Variants in ARIH2 observed in about 807,000 individuals in gnomAD.
ARIH2 encodes E3 ubiquitin-protein ligase ARIH2.
Under a neutral mutation model 79.8 loss-of-function variants are expected in ARIH2, and 12 were observed. The ratio of observed to expected loss-of-function variants is 0.15; its 90% CI spans 0.10 to 0.24. ARIH2 has a LOEUF of 0.24. Among genes scored for constraint, ARIH2 ranks in the 10% least tolerant of loss-of-function variants. The pLI, the probability that ARIH2 is intolerant of heterozygous loss-of-function variation, is 1.00. For synonymous variants in ARIH2, 224 were observed against 213.9 expected (o/e 1.05, Z -0.41); for missense variants, 301 against 618.3 (o/e 0.49, Z 5.44).
intron 5 of ARIH2, among the ~76,000 whole-genome samples, chr3:48,966,178 T>C (rs945072107): frequency 2.6e-5 from 4 of 152,208 alleles, no homozygotes; most frequent in African/African-American, 9.6e-5. Context: ...ATTTTTTGAA[T>C]GAGGGCCATG....
chr3:48,954,092 C>T (rs2090306641), intron 3 of ARIH2, among the ~76,000 whole-genome samples: 1 of 151,798 alleles, frequency 6.6e-6, no homozygotes. Flanking sequence ...ACCTGGGAGG[C>T]GGAGGTTGCA....
chr3:48,939,128 TG>T (rs2087646285), intron 3 of ARIH2, among the ~76,000 whole-genome samples: 1 of 151,878 alleles, frequency 6.6e-6, no homozygotes, highest in Non-Finnish European at 1.5e-5. Flanking sequence ...CCACCACACC[TG>T]GCTAATTTTT....
intron 3 of ARIH2, among the ~76,000 whole-genome samples, chr3:48,938,807 G>C (rs927438065): frequency 1.3e-5 from 2 of 148,472 alleles, no homozygotes; most frequent in South Asian, 2.2e-4. Context: ...CGTGGACTCT[G>C]ATCTGACTGA....
At position 48,970,587 on chromosome 3, in the gene ARIH2, G is replaced by A; in HGVS notation, c.661-8G>A. On this transcript the variant is annotated splice_polypyrimidine_tract_variant and splice_region_variant and intron_variant, in intron 7 of 15. Transcript: ENST00000356401. ...TGTCCTCATTGTTTCCTCTTGGTGT[G>A]TTCACAGAGTCATTACCAGCTCCAG... The A allele has an allele frequency of 6.2e-7, 1 of 1,600,588 alleles. No individual in the cohort carries two copies. The highest frequency in any genetic ancestry group is 8.6e-7 in the Non-Finnish European group (1 of 1,167,740).
In ARIH2 at chr3:48,965,013, C is replaced by T. The variant is rs567890889; in HGVS notation, c.387+31C>T. ...TGTCTATTACTTGAATGAGGCTTCT[C>T]CTAATTGCATGTGGTTCTTGCTTTG... is the stretch of plus-strand genomic sequence containing the variant. On this transcript the variant is annotated intron_variant, in intron 5 of 15. Transcript: ENST00000356401. 3.5e-4 allele frequency: 558 copies of T among 1,597,662 alleles called. 3 individuals are homozygous for T. The African/African-American group carries it at 6.5e-3, about 19-fold the overall frequency.
At position 48,982,960 on chromosome 3, in the gene ARIH2, C is replaced by T; in HGVS notation, c.1391C>T (p.Ala464Val). The change falls in exon 15 of 16, where the codon GCA becomes GTA. Residue 464 changes from alanine (A) to valine (V), a missense_variant. Transcript: ENST00000356401. ...AACCTCTCATGGAAAGTGGAGCGTG[C>T]AGACAGCTATGACAGAGGGGTAAGT... The part of the protein sequence containing the change: ...IENLSWKVER[A>V]DSYDRGDLEN... 6.2e-7 allele frequency: 1 copy of T among 1,614,152 alleles called. No individual in the cohort carries two copies. The highest frequency in any genetic ancestry group is 8.5e-7 in the Non-Finnish European group (1 of 1,179,996).
intron 11 of ARIH2, chr3:48,975,180 C>T: frequency 2.7e-6 from 2 of 750,348 alleles, no homozygotes; most frequent in Non-Finnish European, 4.2e-6. Flanking sequence ...CCACTGCTAT[C>T]TTGCTAACAC....
intron 15 of ARIH2, 72 bp downstream of exon 15, chr3:48,983,051 G>T (rs2092807843): frequency 6.5e-7 from 1 of 1,534,470 alleles, no homozygotes; most frequent in South Asian, 1.1e-5. Flanking sequence ...TGACAGCGTT[G>T]TTGGCTTGTG....
At chr3:48,976,697 GAC>G (rs569188126) in intron 11 of ARIH2, among the ~76,000 whole-genome samples, 2 of 152,198 alleles carry the variant, frequency 1.3e-5, no homozygotes, top group Non-Finnish European at 2.9e-5. Context: ...CAATGCAGAA[GAC>G]ACAGAGTTTA....
chr3:48,918,931 G>C lies in ARIH2; in HGVS notation c.-229G>C. ...TCCGCTGCCGCTTCGCCCCAATCCG[G>C]TCCCTCTGGCCCGGCCTGACCCGGT... On this transcript the variant is annotated 5_prime_UTR_variant, in exon 1 of 16. Coordinates refer to ENST00000356401, the MANE Select transcript of ARIH2 (RefSeq NM_006321.4). 6.3e-7 allele frequency: 1 copy of C among 1,590,308 alleles called. No individual in the cohort carries two copies. Among genetic ancestry groups the C allele is most frequent in the South Asian group, 1.1e-5 (1 of 88,564 alleles).
chr3:48,932,011 A>G (rs181343172), intron 3 of ARIH2, among the ~76,000 whole-genome samples: 1 of 152,276 alleles, frequency 6.6e-6, no homozygotes, highest in African/African-American at 2.4e-5. Context: ...TCTGTCTAAA[A>G]AAGAAAAAGA....
At chr3:48,936,278 T>C (rs897680015) in intron 3 of ARIH2, among the ~76,000 whole-genome samples, 3 of 152,148 alleles carry the variant, frequency 2.0e-5, no homozygotes, top group African/African-American at 7.2e-5. Flanking sequence ...AGGGAAGAAT[T>C]GTAGGAAAGA....
intron 11 of ARIH2, among the ~76,000 whole-genome samples, chr3:48,976,192 A>G (rs1213747191): frequency 1.4e-5 from 2 of 147,440 alleles, no homozygotes; most frequent in South Asian, 2.1e-4. Flanking sequence ...GATTATAGGC[A>G]TGAGCCACCG....
chr3:48,975,128 C>CT, intron 11 of ARIH2, 149 bp downstream of exon 11: 1 of 1,346,534 alleles, frequency 7.4e-7, no homozygotes, highest in East Asian at 2.3e-5. Context: ...CATAAAGTAG[C>CT]TTTTTATTTT....
intron 5 of ARIH2, among the ~76,000 whole-genome samples, chr3:48,966,185 C>T (rs2091776714): frequency 6.6e-6 from 1 of 152,114 alleles, no homozygotes; most frequent in Admixed American, 6.6e-5. Context: ...GAATGAGGGC[C>T]ATGCTAAAAT....
intron 2 of ARIH2, 153 bp from the exon 3 acceptor site, chr3:48,927,309 G>A (rs1208558437): frequency 4.3e-6 from 2 of 460,702 alleles, no homozygotes; most frequent in Non-Finnish European, 7.8e-6. Context: ...CCTGGGCCAG[G>A]GGGATGATAG....
intron 8 of ARIH2, 142 bp downstream of exon 8, chr3:48,970,846 G>A (rs770619913): frequency 9.9e-6 from 6 of 604,836 alleles, no homozygotes; most frequent in Non-Finnish European, 1.8e-5. Context: ...AAGTGGGTAG[G>A]TTTATGTCCA....
chr3:48,962,399 A>G (rs368143699), intron 4 of ARIH2, among the ~76,000 whole-genome samples: 15 of 151,892 alleles, frequency 9.9e-5, no homozygotes, highest in African/African-American at 3.4e-4. Context: ...GAAAGAAAAT[A>G]TAGGCTACTT....
At chr3:48,941,917 A>G (rs1244582971) in intron 3 of ARIH2, among the ~76,000 whole-genome samples, 1 of 151,048 alleles carries the variant, frequency 6.6e-6, no homozygotes, top group East Asian at 1.9e-4. Context: ...ATGAAGTCTC[A>G]TTCTGTCACC....
Sources: gnomAD v4.1 joint callset for allele counts (sites outside exome capture counted in the v4.1 genomes callset) on GRCh38, gnomAD v4.1.1 for gene constraint, MANE v1.5 for transcripts, NCBI Gene and HGNC (gene_info 2026-07-23, HGNC 2026-07-21) for gene names.